The following USP4 variants were observed in gnomAD, a reference collection of about 807,000 sequenced individuals.
The protein encoded by USP4 is ubiquitin carboxyl-terminal hydrolase 4.
A neutral mutation model predicts 118.2 loss-of-function variants in USP4; 72 were observed. That is an observed-to-expected ratio of 0.61 (90% CI 0.50 to 0.74). USP4 has a LOEUF of 0.74. USP4 is among the 30% of genes least tolerant of loss of function. USP4 has a pLI of 0.00. For missense variants in USP4, 1,037 were observed against 1,185.7 expected, an observed-to-expected ratio of 0.87 and a Z score of 1.84; for synonymous variants, 415 against 440.4, an observed-to-expected ratio of 0.94 and a Z score of 0.72.
chr3:49,324,180 G>A (rs1185568007), intron 6 of USP4, among the ~76,000 whole-genome samples: 1 of 152,040 alleles, frequency 6.6e-6, no homozygotes, highest in African/African-American at 2.4e-5. Context: ...TGTATTTTTA[G>A]TAGAGACAGG....
At chr3:49,295,131 TACAA>T (rs1323760804) in intron 13 of USP4, among the ~76,000 whole-genome samples, 4 of 151,758 alleles carry the variant, frequency 2.6e-5, no homozygotes, top group Admixed American at 6.6e-5. Context: ...CTTCTAAAAA[TACAA>T]ACAATTAGAC....
chr3:49,311,956 C>T, intron 6 of USP4: 2 of 1,043,202 alleles, frequency 1.9e-6, no homozygotes, highest in Non-Finnish European at 2.4e-6. Context: ...CTGAGGCAGG[C>T]AGATTGCCTG....
chr3:49,310,748 C>T lies in USP4; in HGVS notation c.837-11G>A. On this transcript the variant is annotated splice_polypyrimidine_tract_variant and intron_variant, in intron 7 of 21. Transcript: ENST00000265560. Reference sequence around the variant, plus strand: ...GAAAAGCCAGATCCACTGGAAAACACAACACACATCAGCAATAAAAGCAAG... The same window carrying T: ...GAAAAGCCAGATCCACTGGAAAACATAACACACATCAGCAATAAAAGCAAG... The T allele has an allele frequency of 1.2e-6, 2 of 1,600,362 alleles. No individual in the cohort carries two copies. The highest frequency in any genetic ancestry group is 1.7e-6 in the Non-Finnish European group (2 of 1,167,498).
At chr3:49,326,707 CTT>C (rs72492740) in intron 3 of USP4, among the ~76,000 whole-genome samples, 9 of 138,278 alleles carry the variant, frequency 6.5e-5, no homozygotes, top group East Asian at 2.2e-4. Flanking sequence ...ATCAAAGACT[CTT>C]TTTTTTTTTT....
Position 49,311,617 on chromosome 3 carries a change from G to A in USP4, c.733C>T (p.Pro245Ser). ...GAATAGGGACTTGCTGATGATTTTG[G>A]AGAGGTAGTAAAATTTCTGCTAGGC... The part of the protein sequence containing the change: ...TAPSRNFTTS[P>S]KSSASPYSSV... Residue 245 changes from proline (P) to serine (S), a missense_variant, in exon 7 of 22, where the codon CCA (proline) becomes TCA (serine). Pro to Ser is a moderately conservative substitution (Grantham distance 74, BLOSUM62 -1). Around this residue, in one of 3 missense-constraint regions of USP4, gnomAD observed 487 missense variants for 534.1 expected, o/e 0.91. Transcript: ENST00000265560. 1 of 1,614,004 alleles carries A rather than the reference G, an allele frequency of 6.2e-7. No individual in the cohort carries two copies. The highest frequency in any genetic ancestry group is 1.3e-5 in the African/African-American group (1 of 75,064).
chr3:49,316,162 A>G (rs1178638039), intron 6 of USP4, among the ~76,000 whole-genome samples: 2 of 152,090 alleles, frequency 1.3e-5, no homozygotes, highest in African/African-American at 4.8e-5. Context: ...AGATCGCGCC[A>G]TTGCACTCCA....
intron 7 of USP4, among the ~76,000 whole-genome samples, chr3:49,311,224 G>A (rs927632592): frequency 7.2e-5 from 11 of 152,086 alleles, no homozygotes; most frequent in Admixed American, 2.0e-4. Context: ...TCTGCCATAC[G>A]GGCCAGCCCA....
intron 8 of USP4, 96 bp from the exon 9 acceptor site, chr3:49,305,984 CA>C (rs2047310651): frequency 7.9e-7 from 1 of 1,261,498 alleles, no homozygotes. Flanking sequence ...GGGACAACGC[CA>C]ACAAAATGAG....
intron 2 of USP4, among the ~76,000 whole-genome samples, chr3:49,328,215 G>A (rs148770843): frequency 0.015 from 2,299 of 151,992 alleles, 58 homozygotes; most frequent in African/African-American, 0.053. Flanking sequence ...AAAATTAGCC[G>A]GGTGTGGTAG....
Position 49,277,979 on chromosome 3 carries a change from T to C in USP4, c.*314A>G. ...TCCAGGCTGCTCCATACTCAGCGCC[T>C]GTGTTCCTCTCCATTCTTCGGGATC... On this transcript the variant is annotated 3_prime_UTR_variant, in exon 22 of 22. Coordinates refer to ENST00000265560, the MANE Select transcript of USP4 (RefSeq NM_003363.4). 1 of 434,776 alleles carries C rather than the reference T, an allele frequency of 2.3e-6. No individual in the cohort carries two copies. The highest frequency in any genetic ancestry group is 2.0e-5 in the African/African-American group (1 of 48,910). The allele number at this position is 434,776 out of a possible 1,614,324, so 26.9% of individuals were successfully genotyped here.
chr3:49,303,812 G>T (rs1266321746), intron 9 of USP4, among the ~76,000 whole-genome samples: 1 of 151,720 alleles, frequency 6.6e-6, no homozygotes, highest in East Asian at 1.9e-4. Context: ...GAGTGCAGTG[G>T]CGCAATCTCA....
intron 6 of USP4, chr3:49,312,267 T>A (rs2047390708): frequency 3.5e-6 from 1 of 284,638 alleles, no homozygotes; most frequent in African/African-American, 2.3e-5. Context: ...GGTCAGGAAT[T>A]CAAGACCAGC....
intron 2 of USP4, among the ~76,000 whole-genome samples, chr3:49,332,087 A>G (rs954882188): frequency 6.6e-6 from 1 of 152,058 alleles, no homozygotes; most frequent in African/African-American, 2.4e-5. Context: ...AGGCTGGCCA[A>G]CGTGCTGAAA....
At chr3:49,280,608 G>C in intron 20 of USP4, 136 bp downstream of exon 20, 1 of 553,318 alleles carries the variant, frequency 1.8e-6, no homozygotes, top group South Asian at 2.7e-5. Flanking sequence ...AGGGGAATCA[G>C]TATGAAGAAA....
In USP4 at chr3:49,277,235, C is replaced by T. The variant is rs2046972659; in HGVS notation, c.*1058G>A. 1 of 1,312,946 alleles carries T rather than the reference C, an allele frequency of 7.6e-7. No homozygotes were observed. The highest frequency in any genetic ancestry group is 1.0e-6 in the Non-Finnish European group (1 of 1,004,462). 81.3% of individuals were successfully genotyped at this position (1,312,946 alleles called of 1,614,324 possible). On this transcript the variant is annotated 3_prime_UTR_variant, in exon 22 of 22. Transcript: ENST00000265560. Reference sequence around the variant, plus strand: ...TCCAACGGTCATCGCATGCGCGTGCCCCGCGCAGGCCCCAAACCCCCACGG... The same window carrying T: ...TCCAACGGTCATCGCATGCGCGTGCTCCGCGCAGGCCCCAAACCCCCACGG...
intron 3 of USP4, among the ~76,000 whole-genome samples, chr3:49,327,078 A>G (rs2047563442): frequency 6.6e-6 from 1 of 152,202 alleles, no homozygotes; most frequent in Non-Finnish European, 1.5e-5. Context: ...CATTAGCTAT[A>G]TGTCCATATG....
intron 15 of USP4, among the ~76,000 whole-genome samples, chr3:49,291,011 C>G (rs555642367): frequency 3.3e-5 from 5 of 152,110 alleles, no homozygotes; most frequent in African/African-American, 1.2e-4. Flanking sequence ...ATCTGTCGCC[C>G]AGGCTGGAGT....
At chr3:49,328,817 C>A (rs2047584209) in intron 2 of USP4, among the ~76,000 whole-genome samples, 1 of 151,548 alleles carries the variant, frequency 6.6e-6, no homozygotes, top group Non-Finnish European at 1.5e-5. Context: ...CCGAGATACC[C>A]CACTGTACTC....
At chr3:49,307,233 A>G (rs1347014965) in intron 8 of USP4, among the ~76,000 whole-genome samples, 1 of 151,928 alleles carries the variant, frequency 6.6e-6, no homozygotes, top group African/African-American at 2.4e-5. Flanking sequence ...GGATCACTTG[A>G]GGCCAGGAGT....
Sources: allele counts gnomAD v4.1 joint callset (sites outside exome capture counted in the v4.1 genomes callset), GRCh38; gene constraint gnomAD v4.1.1; regional missense constraint gnomAD v4.1.1; transcripts MANE v1.5; gene names NCBI Gene and HGNC (gene_info 2026-07-23, HGNC 2026-07-21).